ERC2: variants seen among roughly 807,000 people sequenced by gnomAD.
ERC2 encodes the protein ERC protein 2.
ERC2 carries 42 observed loss-of-function variants against 114.8 expected under a neutral mutation model. The ratio of observed to expected loss-of-function variants is 0.37; its 90% CI spans 0.29 to 0.47. ERC2 has a LOEUF of 0.47. ERC2 is among the 20% of genes least tolerant of loss of function. The pLI is 0.99. For synonymous variants in ERC2, 454 were observed against 425.5 expected, an observed-to-expected ratio of 1.07 and a Z score of -0.82; for missense variants, 939 against 1,150.7, an observed-to-expected ratio of 0.82 and a Z score of 2.66.
intron 4 of ERC2, among the ~76,000 whole-genome samples, chr3:56,169,061 C>T (rs2082479497): frequency 1.3e-5 from 2 of 152,180 alleles, no homozygotes; most frequent in Non-Finnish European, 2.9e-5. Context: ...ACCCACAATC[C>T]CCACTTCAAT....
chr3:55,891,807 G>A (rs1394340367), intron 13 of ERC2, among the ~76,000 whole-genome samples: 1 of 152,170 alleles, frequency 6.6e-6, no homozygotes, highest in Admixed American at 6.5e-5. Context: ...CCAGAGGAAA[G>A]TGCTTGTTAT....
At chr3:55,515,693 G>T (rs957464204) in intron 17 of ERC2, among the ~76,000 whole-genome samples, 2 of 151,976 alleles carry the variant, frequency 1.3e-5, no homozygotes, top group Admixed American at 6.6e-5. Context: ...GGTTCTAGGT[G>T]GGGGTGTGTG....
At chr3:55,997,291 A>G (rs34692103) in intron 10 of ERC2, among the ~76,000 whole-genome samples, 4,475 of 79,602 alleles carry the variant, frequency 0.056, 149 homozygotes, top group East Asian at 0.32. Flanking sequence ...TAGAAATATG[A>G]TTTCGATTGT....
At chr3:55,556,441 C>T (rs2055613359) in intron 17 of ERC2, among the ~76,000 whole-genome samples, 1 of 152,220 alleles carries the variant, frequency 6.6e-6, no homozygotes, top group South Asian at 2.1e-4. Context: ...ACCTCCTCCA[C>T]TTTCTGTCCA....
chr3:55,513,506 G>A (rs1465607532), intron 17 of ERC2, among the ~76,000 whole-genome samples: 1 of 152,074 alleles, frequency 6.6e-6, no homozygotes, highest in Non-Finnish European at 1.5e-5. Context: ...TTCCCAAGAA[G>A]CCTTTCTTGA....
intron 2 of ERC2, among the ~76,000 whole-genome samples, chr3:56,339,925 G>A (rs1045193225): frequency 2.0e-5 from 3 of 152,138 alleles, no homozygotes; most frequent in Admixed American, 1.3e-4. Flanking sequence ...CGGACAAAAC[G>A]AGGATAACAA....
chr3:55,956,814 C>T (rs1036788777), intron 12 of ERC2, among the ~76,000 whole-genome samples: 3 of 152,110 alleles, frequency 2.0e-5, no homozygotes, highest in Non-Finnish European at 4.4e-5. Context: ...GATGCCCAAG[C>T]CCACATCCCC....
At chr3:56,130,585 T>C (rs949031992) in intron 6 of ERC2, among the ~76,000 whole-genome samples, 2 of 152,174 alleles carry the variant, frequency 1.3e-5, no homozygotes, top group Non-Finnish European at 2.9e-5. Flanking sequence ...ACAACAAAAG[T>C]ACTAGACTCT....
intron 15 of ERC2, among the ~76,000 whole-genome samples, chr3:55,715,466 T>C (rs1259156249): frequency 6.6e-6 from 1 of 152,186 alleles, no homozygotes; most frequent in Admixed American, 6.6e-5. Flanking sequence ...ATTTTTCTCA[T>C]TCCCACACAC....
At chr3:56,323,799 T>TA (rs2057234565) in intron 2 of ERC2, among the ~76,000 whole-genome samples, 1 of 152,154 alleles carries the variant, frequency 6.6e-6, no homozygotes, top group Non-Finnish European at 1.5e-5. Context: ...CGCAGGAGGT[T>TA]AAAACCACTG....
chr3:56,377,931 T>C (rs1201107833), intron 2 of ERC2, among the ~76,000 whole-genome samples: 1 of 151,558 alleles, frequency 6.6e-6, no homozygotes, highest in Admixed American at 6.6e-5. Context: ...TGCCCCAAAA[T>C]GCAATCAATT....
chr3:55,751,141 T>C (rs1575482552), intron 14 of ERC2, among the ~76,000 whole-genome samples: 1 of 152,212 alleles, frequency 6.6e-6, no homozygotes, highest in African/African-American at 2.4e-5. Flanking sequence ...CTGTTCTGCA[T>C]AGGTAAGGGC....
chr3:56,072,346 A>G (rs1362795747), intron 7 of ERC2: 1 of 152,248 alleles, frequency 6.6e-6, no homozygotes, highest in Non-Finnish European at 1.5e-5. Flanking sequence ...GTCAAGACAC[A>G]CTGTATTAAA....
chr3:55,729,837 C>CAAAAAAAAAAAAAAACAAAAAAAAA (rs2065138724), intron 15 of ERC2, among the ~76,000 whole-genome samples: 1 of 61,630 alleles, frequency 1.6e-5, no homozygotes, highest in Non-Finnish European at 2.6e-5. Flanking sequence ...GACTCTATCG[C>CAAAAAAAAAAAAAAACAAAAAAAAA]AAAAAAAAAA....
intron 14 of ERC2, among the ~76,000 whole-genome samples, chr3:55,738,179 C>T (rs1042030633): frequency 6.6e-6 from 1 of 152,010 alleles, no homozygotes; most frequent in Non-Finnish European, 1.5e-5. Context: ...TGTTAGGATG[C>T]CAGTAGGGAA....
intron 14 of ERC2, among the ~76,000 whole-genome samples, chr3:55,835,689 G>T (rs946390998): frequency 5.3e-5 from 8 of 152,166 alleles, no homozygotes; most frequent in Non-Finnish European, 1.0e-4. Flanking sequence ...TTGAAAACTG[G>T]CACAAGACAG....
chr3:55,602,204 C>A (rs1177047495), intron 17 of ERC2, among the ~76,000 whole-genome samples: 1 of 152,110 alleles, frequency 6.6e-6, no homozygotes. Flanking sequence ...AAGAATCTGC[C>A]GTCAAACTGC....
At chr3:55,643,156 A>G (rs897577725) in intron 17 of ERC2, among the ~76,000 whole-genome samples, 29 of 152,232 alleles carry the variant, frequency 1.9e-4, no homozygotes, top group African/African-American at 6.8e-4. Flanking sequence ...GTTTAAAGGA[A>G]TATTTTCAGA....
intron 17 of ERC2, among the ~76,000 whole-genome samples, chr3:55,577,155 CTG>C (rs943885007): frequency 6.6e-6 from 1 of 152,084 alleles, no homozygotes; most frequent in Non-Finnish European, 1.5e-5. Context: ...TAATTGCATG[CTG>C]TGTGTTCAGA....
Sources: allele counts gnomAD v4.1 joint callset (sites outside exome capture counted in the v4.1 genomes callset), GRCh38; gene constraint gnomAD v4.1.1; transcripts MANE v1.5; gene names NCBI Gene and HGNC (gene_info 2026-07-23, HGNC 2026-07-21).